Variants in FLRT1 observed in about 807,000 individuals in gnomAD.
FLRT1 encodes the protein leucine-rich repeat transmembrane protein FLRT1.
In FLRT1, 14 loss-of-function variants were observed where a neutral mutation model predicts 30.9. That is an observed-to-expected ratio of 0.45 (90% CI 0.30 to 0.71). The LOEUF (loss-of-function observed/expected upper bound fraction) is 0.71, where lower values mean the gene tolerates loss of function less well. Among genes scored for constraint, FLRT1 ranks in the 30% least tolerant of loss-of-function variants. The pLI, the probability that FLRT1 is intolerant of heterozygous loss-of-function variation, is 0.08. For missense variants in FLRT1, 737 were observed against 949.2 expected (o/e 0.78, Z 2.94); for synonymous variants, 368 against 430.4 (o/e 0.85, Z 1.80).
intron 1 of FLRT1, among the ~76,000 whole-genome samples, chr11:64,077,812 A>G (rs1944231235): frequency 6.6e-6 from 1 of 152,196 alleles, no homozygotes; most frequent in South Asian, 2.1e-4. Flanking sequence ...CGCCGCTCGG[A>G]CATTTGGGCA....
chr11:64,111,296 AC>A (rs1340676367), intron 2 of FLRT1, among the ~76,000 whole-genome samples: 1 of 152,168 alleles, frequency 6.6e-6, no homozygotes, highest in Non-Finnish European at 1.5e-5. Context: ...CAGCCAACAG[AC>A]CAGGTTGGGG....
Position 64,036,714 on chromosome 11 carries a change from G to A in FLRT1, c.-1038+555G>A, listed in dbSNP as rs558624534. On this transcript the variant is annotated intron_variant, in intron 1 of 2. Coordinates refer to ENST00000682287, the MANE Select transcript of FLRT1 (RefSeq NM_013280.5). The surrounding 1 kb of genome is among the most constrained non-coding windows in gnomAD (Gnocchi z 5.6). ...GCCTCCAACTTCCCTCCCTGTGCGC[G>A]CTGTGGACCGTCAGCCCTGAGCCGG... Among the ~76,000 whole-genome samples the A allele has an allele frequency of 8.5e-5, 13 of 152,152 alleles. No individual in the cohort carries two copies. The South Asian group carries it at 2.7e-3, about 32-fold the overall frequency.
rs933007163 is a variant in FLRT1, at chr11:64,103,958, G to A, written c.-273G>A. On this transcript the variant is annotated 5_prime_UTR_variant, in exon 2 of 3. Coordinates refer to ENST00000682287, the MANE Select transcript of FLRT1 (RefSeq NM_013280.5). ...AGGAGACCAGGATACCGAGGCACCG[G>A]ATCCCCTCTCTGTGCCCTGGGGAGC... is the stretch of plus-strand genomic sequence containing the variant. The A allele has an allele frequency of 4.6e-5, 7 of 152,480 alleles. No homozygotes were observed. Among genetic ancestry groups the A allele is most frequent in the African/African-American group, 1.7e-4 (7 of 41,570 alleles). The allele number at this position is 152,480 out of a possible 1,614,324, so 9.4% of individuals were successfully genotyped here.
At chr11:64,063,068 C>T (rs565760062) in intron 1 of FLRT1, among the ~76,000 whole-genome samples, 48 of 152,300 alleles carry the variant, frequency 3.2e-4, no homozygotes, top group East Asian at 1.2e-3. Context: ...TGGTGACAGT[C>T]GTTCTAGTTT....
At position 64,064,212 on chromosome 11, in the gene FLRT1, G is replaced by A. The variant is rs1471909019; in HGVS notation, c.-1038+28053G>A. 6.6e-6 allele frequency among the ~76,000 whole-genome samples: 1 copy of A among 151,944 alleles called. No homozygotes were observed. Among genetic ancestry groups the A allele is most frequent in the African/African-American group, 2.4e-5 (1 of 41,210 alleles). On this transcript the variant is annotated intron_variant, in intron 1 of 2. Transcript: ENST00000682287. This position sits in a 1 kb window ranked among gnomAD's most constrained non-coding sequence, Gnocchi z 4.5. ...TTTACATGAATAAAACATCAGTGTA[G>A]GGGAAAAAAATCCCAAACTGCACAG...
At position 64,097,508 on chromosome 11, in the gene FLRT1, C is replaced by T. The variant is rs1036451112; in HGVS notation, c.-1037-5686C>T. 1.1e-4 allele frequency among the ~76,000 whole-genome samples: 17 copies of T among 152,364 alleles called. 1 individual carries two copies. Among genetic ancestry groups the T allele is most frequent in the Admixed American group, 7.8e-4 (12 of 15,308 alleles). On this transcript the variant is annotated intron_variant, in intron 1 of 2. Coordinates refer to ENST00000682287, the MANE Select transcript of FLRT1 (RefSeq NM_013280.5). ...CTCTGATGGCCATCTTGAGGGTGGG[C>T]GCTGGCAAAGGCCCAGGCCCGCCGG...
intron 1 of FLRT1, among the ~76,000 whole-genome samples, chr11:64,077,384 G>T (rs1389203713): frequency 2.0e-5 from 3 of 152,186 alleles, no homozygotes; most frequent in African/African-American, 7.2e-5. Context: ...TCACGGGGCT[G>T]CCCTGCCCTC....
At chr11:64,080,676 C>T (rs1177699445) in intron 1 of FLRT1, among the ~76,000 whole-genome samples, 1 of 152,176 alleles carries the variant, frequency 6.6e-6, no homozygotes, top group Non-Finnish European at 1.5e-5. Flanking sequence ...CTACACAGAC[C>T]TCAACTACTG....
chr11:64,052,288 C>T (rs1415817564), intron 1 of FLRT1, among the ~76,000 whole-genome samples: 3 of 152,120 alleles, frequency 2.0e-5, no homozygotes, highest in Non-Finnish European at 4.4e-5. Context: ...GCTGTGAGGC[C>T]TTGAAACAAT....
In FLRT1 at chr11:64,118,265, C is replaced by T. The variant is rs1328702359; in HGVS notation, c.1998C>T (p.Ile666=). 4 of 1,592,178 alleles carry T rather than the reference C, an allele frequency of 2.5e-6. No homozygotes were observed. ...CGCGGGGCTACCGGGACGGCGGCATCCCCGACATAGACTACTCCTACACAT... is the reference window on the plus strand; with the variant it reads ...CGCGGGGCTACCGGGACGGCGGCATTCCCGACATAGACTACTCCTACACAT... ...GTTRGYRDGG[I]PDIDYSYT Residue 666 remains isoleucine, a synonymous_variant, in exon 3 of 3, where the codon ATC becomes ATT. Coordinates refer to ENST00000682287, the MANE Select transcript of FLRT1 (RefSeq NM_013280.5).
intron 2 of FLRT1, among the ~76,000 whole-genome samples, chr11:64,106,205 G>A (rs972535404): frequency 1.3e-5 from 2 of 152,188 alleles, no homozygotes; most frequent in African/African-American, 4.8e-5. Context: ...GCCTGGGTTT[G>A]TGGCCACCCC....
chr11:64,102,753 T>C (rs1033249307), intron 1 of FLRT1, among the ~76,000 whole-genome samples: 2 of 152,028 alleles, frequency 1.3e-5, no homozygotes, highest in Admixed American at 6.6e-5. Flanking sequence ...CCCCGGCTCA[T>C]AGGCAAGTGG....
intron 2 of FLRT1, among the ~76,000 whole-genome samples, chr11:64,112,608 G>A (rs572736933): frequency 2.6e-5 from 4 of 151,128 alleles, no homozygotes; most frequent in Non-Finnish European, 5.9e-5. Flanking sequence ...ACTGAGAGGA[G>A]TATCTGGGAG....
At chr11:64,072,542 T>C (rs908447163) in intron 1 of FLRT1, among the ~76,000 whole-genome samples, 5 of 152,146 alleles carry the variant, frequency 3.3e-5, no homozygotes, top group African/African-American at 1.2e-4. Flanking sequence ...CAGAAACTAA[T>C]AACATAGCAG....
chr11:64,079,738 G>A (rs1370684639), intron 1 of FLRT1, among the ~76,000 whole-genome samples: 1 of 152,064 alleles, frequency 6.6e-6, no homozygotes, highest in Non-Finnish European at 1.5e-5. Context: ...TGGGGCGCAC[G>A]CTCAGAGAAA....
At chr11:64,072,187 G>A (rs1944121854) in intron 1 of FLRT1, among the ~76,000 whole-genome samples, 1 of 152,132 alleles carries the variant, frequency 6.6e-6, no homozygotes, top group African/African-American at 2.4e-5. Flanking sequence ...CTTGGGGGTC[G>A]GGAGCAGGGT....
intron 1 of FLRT1, among the ~76,000 whole-genome samples, chr11:64,065,941 C>T (rs1161675827): frequency 6.6e-6 from 1 of 152,096 alleles, no homozygotes; most frequent in African/African-American, 2.4e-5. Context: ...GAAGGCTTTC[C>T]AGGGGAGGTG....
rs1590935754 is a variant in FLRT1 at position 64,118,199 on chromosome 11, C to G, written c.1932C>G (p.Ser644Arg). 6.2e-7 allele frequency: 1 copy of G among 1,613,418 alleles called. No homozygotes were observed. The highest frequency in any genetic ancestry group is 8.5e-7 in the Non-Finnish European group (1 of 1,179,926). The change falls in exon 3 of 3, where the codon AGC becomes AGG. Residue 644 changes from serine to arginine, a missense_variant. By Grantham distance (110) the Ser-to-Arg change is moderately radical (BLOSUM62 -1). Coordinates refer to ENST00000682287, the MANE Select transcript of FLRT1 (RefSeq NM_013280.5). ...ACACTATCTTCCCCTCCAACGGCAG[C>G]AGCCTCTGCAAGGCCACACACACCA... Reference protein sequence around the residue: ...VVHTIFPSNGSSLCKATHTIG... With the variant: ...VVHTIFPSNGRSLCKATHTIG...
intron 1 of FLRT1, among the ~76,000 whole-genome samples, chr11:64,079,388 G>A (rs949287219): frequency 1.3e-5 from 2 of 150,064 alleles, no homozygotes; most frequent in Non-Finnish European, 3.0e-5. Flanking sequence ...TGATAGGAGG[G>A]AAGGGGGTCG....
Sources: gnomAD v4.1 joint callset for allele counts (sites outside exome capture counted in the v4.1 genomes callset) on GRCh38, gnomAD v4.1.1 for gene constraint, Gnocchi (gnomAD v3.1) non-coding constraint, MANE v1.5 for transcripts, NCBI Gene and HGNC (gene_info 2026-07-23, HGNC 2026-07-21) for gene names.